Variants in VPS54 observed in about 807,000 individuals in gnomAD.
The protein encoded by VPS54 is VPS54 subunit of GARP complex.
VPS54 carries 45 observed loss-of-function variants against 121.5 expected under a neutral mutation model. The observed-to-expected ratio is 0.37, with a 90% confidence interval of 0.29 to 0.47. The LOEUF is 0.47. VPS54 is among the 20% of genes least tolerant of loss of function. VPS54 has a pLI of 0.99. For missense variants in VPS54, 1,090 were observed against 1,131.4 expected (o/e 0.96, Z 0.52); for synonymous variants, 371 against 385.8 (o/e 0.96, Z 0.45).
chr2:63,937,216 G>A (rs1483931617), intron 11 of VPS54, among the ~76,000 whole-genome samples: 2 of 152,070 alleles, frequency 1.3e-5, no homozygotes, highest in African/African-American at 4.8e-5. Flanking sequence ...AAGGCAACCT[G>A]CGGAATGGGA....
At chr2:63,944,789 G>A (rs1674902016) in intron 9 of VPS54, 134 bp from the exon 10 acceptor site, 2 of 651,012 alleles carry the variant, frequency 3.1e-6, no homozygotes, top group Non-Finnish European at 2.6e-6. Context: ...ACATACATGT[G>A]GCCAACATAA....
At chr2:63,924,783 T>G (rs1575914241) in intron 12 of VPS54, among the ~76,000 whole-genome samples, 2 of 152,206 alleles carry the variant, frequency 1.3e-5, no homozygotes, top group African/African-American at 4.8e-5. Flanking sequence ...ATCTGAATAT[T>G]TGATTTATGT....
At chr2:63,923,021 G>T (rs1673715971) in intron 12 of VPS54, among the ~76,000 whole-genome samples, 1 of 151,892 alleles carries the variant, frequency 6.6e-6, no homozygotes, top group Non-Finnish European at 1.5e-5. Context: ...CTCTTAAAAA[G>T]ATTTTTTGGG....
At chr2:63,917,363 A>G (rs1040878774) in intron 15 of VPS54, among the ~76,000 whole-genome samples, 2 of 152,116 alleles carry the variant, frequency 1.3e-5, no homozygotes, top group African/African-American at 4.8e-5. Flanking sequence ...TAGTTTTGGA[A>G]AGGCAGAACT....
intron 20 of VPS54, among the ~76,000 whole-genome samples, chr2:63,911,156 G>T (rs925679863): frequency 6.6e-6 from 1 of 152,182 alleles, no homozygotes; most frequent in Non-Finnish European, 1.5e-5. Context: ...GTACACAGAA[G>T]AATGCTGTAT....
intron 1 of VPS54, among the ~76,000 whole-genome samples, chr2:63,990,226 C>A (rs1677252715): frequency 2.6e-5 from 4 of 152,174 alleles, no homozygotes; most frequent in Admixed American, 2.6e-4. Flanking sequence ...CCTAACGATG[C>A]TGAAAATTCA....
At chr2:63,961,163 C>CA (rs1271299235) in intron 7 of VPS54, among the ~76,000 whole-genome samples, 1 of 152,160 alleles carries the variant, frequency 6.6e-6, no homozygotes, top group East Asian at 1.9e-4. Context: ...ACTATATTCC[C>CA]AGTATTCATT....
At position 63,938,059 on chromosome 2, in the gene VPS54, G is replaced by GGTGTGTGTGGTGTGTGTGTGTGT. The variant is rs1553475196; in HGVS notation, c.1399-4047_1399-4046insACACACACACACACCACACACAC. 4.8e-3 allele frequency among the ~76,000 whole-genome samples: 674 copies of GGTGTGTGTGGTGTGTGTGTGTGT among 140,444 alleles called. 3 individuals are homozygous for GGTGTGTGTGGTGTGTGTGTGTGT. The highest frequency in any genetic ancestry group is 0.014 in the South Asian group (62 of 4,382). 92.1% of individuals were successfully genotyped at this position (140,444 alleles called of 152,430 possible). ...AAACGTGTGTGTGTGTGGTGTGTGT[G>GGTGTGTGTGGTGTGTGTGTGTGT]GTGTGTGTGTGTGTGTGTGTGTGTG... is the stretch of plus-strand genomic sequence containing the variant. On this transcript the variant is annotated intron_variant, in intron 11 of 22. Transcript: ENST00000272322.
chr2:63,925,536 T>C lies in VPS54; in HGVS notation c.1740-4201A>G, dbSNP rs554063659. Among the ~76,000 whole-genome samples, 5 of 152,358 alleles carry C rather than the reference T, an allele frequency of 3.3e-5. No individual in the cohort carries two copies. In the East Asian group the frequency reaches 5.8e-4, roughly 18 times the overall value. ...ATATTCAACAGCAATGCTTGTAACATGTGCAACAAAGGTATCTAGAAGAAT... is the reference window on the plus strand; with the variant it reads ...ATATTCAACAGCAATGCTTGTAACACGTGCAACAAAGGTATCTAGAAGAAT... On this transcript the variant is annotated intron_variant, in intron 12 of 22. Transcript: ENST00000272322.
intron 21 of VPS54, among the ~76,000 whole-genome samples, chr2:63,897,881 TAGTA>T (rs886904736): frequency 9.2e-5 from 14 of 152,238 alleles, no homozygotes; most frequent in Admixed American, 2.6e-4. Context: ...TTTTGTAACA[TAGTA>T]AGTAGGAAGT....
chr2:64,000,106 C>T (rs1237838034), intron 1 of VPS54, among the ~76,000 whole-genome samples: 2 of 152,108 alleles, frequency 1.3e-5, no homozygotes, highest in Non-Finnish European at 2.9e-5. Flanking sequence ...ATGATCCACC[C>T]TCCTCAGCCT....
rs140024519 is a variant in VPS54, at chr2:63,972,183, G to A, written c.440C>T (p.Thr147Ile). ...ATTCATACCATGAGTATGTAAAAGA[G>A]TCCTTTCGAAGGTATCTTTAGGAGG... ...ICPPKDTFER[T>I]LLHTHDKSRT... Residue 147 changes from threonine (T) to isoleucine (I), a missense_variant, in exon 4 of 23, where the codon ACT becomes ATT. Coordinates refer to ENST00000272322, the MANE Select transcript of VPS54 (RefSeq NM_016516.3). 8.9e-4 allele frequency: 1,412 copies of A among 1,585,758 alleles called. 16 individuals are homozygous for A. The East Asian group carries it at 0.029, about 32-fold the overall frequency.
At position 63,915,078 on chromosome 2, in the gene VPS54, G is replaced by T. The variant is rs373420083; in HGVS notation, c.2229-791C>A. Among the ~76,000 whole-genome samples the T allele has an allele frequency of 3.4e-5, 5 of 149,214 alleles. No individual in the cohort carries two copies. The South Asian group carries it at 8.5e-4, about 25-fold the overall frequency. ...AGGCAGGAGAATCGTTTGAACCTGG[G>T]AGCCGGAGGTTGTGGTGAGCTGAGA... On this transcript the variant is annotated intron_variant, in intron 16 of 22. Transcript: ENST00000272322.
At chr2:64,008,494 G>A (rs1678273578) in intron 1 of VPS54, among the ~76,000 whole-genome samples, 1 of 152,076 alleles carries the variant, frequency 6.6e-6, no homozygotes, top group African/African-American at 2.4e-5. Context: ...GGGCGAGAGG[G>A]GATGGGAAAA....
chr2:63,914,051 C>T (rs1673269153), intron 17 of VPS54, 131 bp downstream of exon 17: 1 of 1,029,920 alleles, frequency 9.7e-7, no homozygotes, highest in African/African-American at 1.6e-5. Context: ...GATTCAACCA[C>T]AATCAAATGT....
intron 6 of VPS54, among the ~76,000 whole-genome samples, chr2:63,964,399 C>T (rs1027629679): frequency 5.9e-5 from 9 of 152,026 alleles, no homozygotes; most frequent in African/African-American, 9.7e-5. Context: ...TATTAAAATG[C>T]TATAAAGGAA....
At chr2:64,016,706 T>C (rs922869998) in intron 1 of VPS54, among the ~76,000 whole-genome samples, 2 of 151,640 alleles carry the variant, frequency 1.3e-5, no homozygotes, top group Non-Finnish European at 2.9e-5. Flanking sequence ...CCTCCCAGGT[T>C]CAAGCGATTC....
intron 10 of VPS54, among the ~76,000 whole-genome samples, chr2:63,943,532 T>C (rs1310737078): frequency 6.6e-6 from 1 of 152,158 alleles, no homozygotes; most frequent in African/African-American, 2.4e-5. Flanking sequence ...CCCTAGATAA[T>C]AGTGTGGAAA....
In VPS54 at chr2:63,962,282, A is replaced by G; in HGVS notation, c.786T>C (p.Ile262=). The G allele has an allele frequency of 6.2e-7, 1 of 1,614,060 alleles. No individual in the cohort carries two copies. Among genetic ancestry groups the G allele is most frequent in the South Asian group, 1.1e-5 (1 of 91,078 alleles). ...VKMLRDKIAQ[I]DKVMCEGSLH... ...GTGATCCTTCACACATTACTTTATC[A>G]ATCTGTGCAATTTTATCTCGAAGCA... Residue 262 remains isoleucine (I), a synonymous_variant, in exon 7 of 23, where the codon ATT becomes ATC. Coordinates refer to ENST00000272322, the MANE Select transcript of VPS54 (RefSeq NM_016516.3).
Sources: allele counts gnomAD v4.1 joint callset (sites outside exome capture counted in the v4.1 genomes callset), GRCh38; gene constraint gnomAD v4.1.1; transcripts MANE v1.5; gene names NCBI Gene and HGNC (gene_info 2026-07-23, HGNC 2026-07-21).